The following GRIK4 variants were observed in gnomAD, a reference collection of about 807,000 sequenced individuals.
GRIK4 encodes the protein glutamate receptor ionotropic, kainate 4.
In GRIK4, 40 loss-of-function variants were observed where a neutral mutation model predicts 104.9. That is an observed-to-expected ratio of 0.38 (90% CI 0.30 to 0.50). The LOEUF (loss-of-function observed/expected upper bound fraction) is 0.50, where lower values mean the gene tolerates loss of function less well. GRIK4 is among the 20% of genes least tolerant of loss of function. The pLI is 0.93. For missense variants in GRIK4, 1,047 were observed against 1,308.1 expected, an observed-to-expected ratio of 0.80 and a Z score of 3.08; for synonymous variants, 485 against 524.9, an observed-to-expected ratio of 0.92 and a Z score of 1.04.
At chr11:120,893,105 C>G (rs541264435) in intron 11 of GRIK4, among the ~76,000 whole-genome samples, 1 of 152,296 alleles carries the variant, frequency 6.6e-6, no homozygotes, top group South Asian at 2.1e-4. Flanking sequence ...AATGATAACA[C>G]TGCATATTAA....
intron 11 of GRIK4, among the ~76,000 whole-genome samples, chr11:120,883,920 G>A (rs1205133236): frequency 2.6e-5 from 4 of 152,208 alleles, no homozygotes; most frequent in East Asian, 1.9e-4. Flanking sequence ...CTGCTAATTC[G>A]GTCTCAGGAA....
intron 3 of GRIK4, among the ~76,000 whole-genome samples, chr11:120,673,858 T>C (rs1950058855): frequency 6.6e-6 from 1 of 152,204 alleles, no homozygotes; most frequent in African/African-American, 2.4e-5. Context: ...TCTGACTGTT[T>C]GCTTTTCCTT....
chr11:120,822,685 A>G lies in GRIK4; in HGVS notation c.511+2765A>G, dbSNP rs547296102. Among the ~76,000 whole-genome samples the G allele has an allele frequency of 7.9e-5, 12 of 152,324 alleles. 1 individual carries two copies. The South Asian group carries it at 2.5e-3, about 32-fold the overall frequency. On this transcript the variant is annotated intron_variant, in intron 6 of 20. Transcript: ENST00000527524. ...TGTGGAACATTCCCATCATGGAGGAAAGTTCTACAGGACAGCTCGGCTTTG... is the reference window on the plus strand; with the variant it reads ...TGTGGAACATTCCCATCATGGAGGAGAGTTCTACAGGACAGCTCGGCTTTG...
chr11:120,636,052 C>T (rs537761550), intron 1 of GRIK4, among the ~76,000 whole-genome samples: 3 of 152,336 alleles, frequency 2.0e-5, no homozygotes, highest in East Asian at 3.9e-4. Context: ...TCTGGCTTTC[C>T]TTCGTTCAAC....
chr11:120,970,747 C>A (rs1944461384), intron 19 of GRIK4, among the ~76,000 whole-genome samples: 1 of 152,094 alleles, frequency 6.6e-6, no homozygotes, highest in Non-Finnish European at 1.5e-5. Context: ...TCCAAGGACC[C>A]TTTCTTTTGT....
At chr11:120,887,371 A>G (rs1365969414) in intron 11 of GRIK4, among the ~76,000 whole-genome samples, 4 of 152,184 alleles carry the variant, frequency 2.6e-5, no homozygotes. Context: ...TGACACTCAC[A>G]AAAGTAAAAA....
intron 1 of GRIK4, among the ~76,000 whole-genome samples, chr11:120,603,823 T>G (rs977543042): frequency 6.6e-6 from 1 of 151,516 alleles, no homozygotes; most frequent in Non-Finnish European, 1.5e-5. Context: ...TGGGTGGAGG[T>G]GGGGGAAGCT....
chr11:120,618,882 G>A (rs1949148216), intron 1 of GRIK4, among the ~76,000 whole-genome samples: 2 of 152,232 alleles, frequency 1.3e-5, no homozygotes, highest in South Asian at 2.1e-4. Flanking sequence ...CAGGGTTGGA[G>A]CCCTCATGGA....
chr11:120,945,228 G>A (rs1943830142), intron 14 of GRIK4, among the ~76,000 whole-genome samples: 1 of 152,076 alleles, frequency 6.6e-6, no homozygotes, highest in Non-Finnish European at 1.5e-5. Flanking sequence ...ACTCTTTCCT[G>A]GCTTTCAATA....
intron 1 of GRIK4, among the ~76,000 whole-genome samples, chr11:120,592,648 C>T (rs1446284721): frequency 2.0e-5 from 3 of 152,282 alleles, no homozygotes; most frequent in Middle Eastern, 3.4e-3. Flanking sequence ...ACTTCCCACA[C>T]CCTCCCTCTG....
intron 1 of GRIK4, among the ~76,000 whole-genome samples, chr11:120,548,124 A>AT (rs1468776302): frequency 6.6e-6 from 1 of 152,152 alleles, no homozygotes; most frequent in Non-Finnish European, 1.5e-5. Flanking sequence ...GCCCGAATCA[A>AT]TTGCAGGCCT....
chr11:120,518,883 G>A (rs1947761945), intron 1 of GRIK4, among the ~76,000 whole-genome samples: 1 of 152,292 alleles, frequency 6.6e-6, no homozygotes, highest in African/African-American at 2.4e-5. Context: ...CCTCCAAAGT[G>A]CTGACATTAT....
At chr11:120,943,898 A>G (rs1943788281) in intron 14 of GRIK4, among the ~76,000 whole-genome samples, 1 of 152,212 alleles carries the variant, frequency 6.6e-6, no homozygotes, top group African/African-American at 2.4e-5. Flanking sequence ...ATAATTTGTG[A>G]CTTTCCAGCG....
chr11:120,618,601 G>A (rs913366139), intron 1 of GRIK4, among the ~76,000 whole-genome samples: 11 of 152,222 alleles, frequency 7.2e-5, no homozygotes, highest in African/African-American at 2.7e-4. Context: ...AGGACATAAT[G>A]GTGTCGTGGG....
chr11:120,531,192 C>T (rs190645865), intron 1 of GRIK4, among the ~76,000 whole-genome samples: 227 of 152,250 alleles, frequency 1.5e-3, no homozygotes, highest in African/African-American at 2.6e-3. Flanking sequence ...GGTGGATTTG[C>T]GATTCTTATG....
Position 120,513,435 on chromosome 11 carries a change from G to A in GRIK4, c.-159+1548G>A, listed in dbSNP as rs1348447594. On this transcript the variant is annotated intron_variant, in intron 1 of 20. Coordinates refer to ENST00000527524, the MANE Select transcript of GRIK4 (RefSeq NM_014619.5). This position sits in a 1 kb window ranked among gnomAD's most constrained non-coding sequence, Gnocchi z 4.5. ...GGCGAGGGGCTTGTCGAGGTCCACT[G>A]TGTTCCGGTCCCACCAGGGATGGCA... 6.6e-6 allele frequency among the ~76,000 whole-genome samples: 1 copy of A among 152,172 alleles called. No individual in the cohort carries two copies. The highest frequency in any genetic ancestry group is 2.4e-5 in the African/African-American group (1 of 41,444).
At chr11:120,542,304 G>T (rs1272458498) in intron 1 of GRIK4, among the ~76,000 whole-genome samples, 2 of 152,120 alleles carry the variant, frequency 1.3e-5, no homozygotes, top group East Asian at 1.9e-4. Flanking sequence ...AAAATTAACT[G>T]AAAATGGATT....
At chr11:120,669,508 TC>T (rs1304823769) in intron 3 of GRIK4, among the ~76,000 whole-genome samples, 2 of 152,216 alleles carry the variant, frequency 1.3e-5, no homozygotes, top group African/African-American at 4.8e-5. Flanking sequence ...TCTCTCTCTT[TC>T]CCTATCAATA....
intron 3 of GRIK4, among the ~76,000 whole-genome samples, chr11:120,786,005 C>A (rs1952262980): frequency 6.6e-6 from 1 of 152,198 alleles, no homozygotes; most frequent in Admixed American, 6.5e-5. Flanking sequence ...TTCCCTTGCT[C>A]CCCAGTGCAA....
Sources: allele counts gnomAD v4.1 joint callset (sites outside exome capture counted in the v4.1 genomes callset), GRCh38; gene constraint gnomAD v4.1.1; non-coding constraint Gnocchi (gnomAD v3.1); transcripts MANE v1.5; gene names NCBI Gene and HGNC (gene_info 2026-07-23, HGNC 2026-07-21).